Variants in SLC25A16 observed in about 807,000 individuals in gnomAD.
SLC25A16 encodes the protein mitochondrial coenzyme A transporter SLC25A16.
Under a neutral mutation model 41.5 loss-of-function variants are expected in SLC25A16, and 39 were observed. The ratio of observed to expected loss-of-function variants is 0.94; its 90% confidence interval spans 0.73 to 1.23. The LOEUF (loss-of-function observed/expected upper bound fraction) is 1.23, where lower values mean the gene tolerates loss of function less well. Ranked by LOEUF, SLC25A16 falls within the 50% of genes most tolerant of loss-of-function variation. The pLI is 0.00. For missense variants in SLC25A16, 421 were observed against 426.9 expected, an observed-to-expected ratio of 0.99 and a Z score of 0.12; for synonymous variants, 146 against 147.8, an observed-to-expected ratio of 0.99 and a Z score of 0.09.
intron 3 of SLC25A16, among the ~76,000 whole-genome samples, chr10:68,506,132 C>A (rs113748838): frequency 6.6e-6 from 1 of 152,254 alleles, no homozygotes; most frequent in Non-Finnish European, 1.5e-5. Context: ...AAATCTTAAG[C>A]TGTCACAAGT....
chr10:68,503,723 G>A (rs747271539), intron 3 of SLC25A16, 28 bp from the exon 4 acceptor site: 4 of 1,432,240 alleles, frequency 2.8e-6, no homozygotes, highest in Non-Finnish European at 3.9e-6. Context: ...TGAATTAAAT[G>A]AGATATTTTT....
intron 8 of SLC25A16, among the ~76,000 whole-genome samples, chr10:68,485,529 AC>A (rs2052545066): frequency 6.6e-6 from 1 of 150,760 alleles, no homozygotes; most frequent in African/African-American, 2.4e-5. Context: ...TATGACAGGC[AC>A]CTGCCACCAG....
At position 68,488,537 on chromosome 10, in the gene SLC25A16, C is replaced by T; in HGVS notation, c.703G>A (p.Val235Ile). 6.3e-7 allele frequency: 1 copy of T among 1,599,842 alleles called. No homozygotes were observed. Among genetic ancestry groups the T allele is most frequent in the South Asian group, 1.1e-5 (1 of 87,588 alleles). ...TTTACATGAGTTTTCAAAACTAAGACATTAGGATTGTCTGATGAAGGTCTG... is the reference window on the plus strand; with the variant it reads ...TTTACATGAGTTTTCAAAACTAAGATATTAGGATTGTCTGATGAAGGTCTG... Reference protein sequence around the residue: ...LGRPSSDNPNVLVLKTHVNLL... With the variant: ...LGRPSSDNPNILVLKTHVNLL... The change falls in exon 7 of 9, where the codon GTC (valine) becomes ATC (isoleucine). Residue 235 changes from valine to isoleucine, a missense_variant. By Grantham distance (29) the Val-to-Ile change is conservative. Transcript: ENST00000609923.
chr10:68,509,737 A>ATCTATCTATC (rs1554919957), intron 2 of SLC25A16, among the ~76,000 whole-genome samples: 6 of 143,796 alleles, frequency 4.2e-5, no homozygotes, highest in African/African-American at 1.3e-4. Flanking sequence ...CTATCTATAT[A>ATCTATCTATC]TATATCTATA....
At chr10:68,491,382 C>T (rs747591188) in intron 6 of SLC25A16, among the ~76,000 whole-genome samples, 20 of 152,138 alleles carry the variant, frequency 1.3e-4, no homozygotes, top group East Asian at 3.9e-4. Flanking sequence ...TGTGCGACCA[C>T]GCCCAGCTAA....
At chr10:68,503,542 C>T in intron 4 of SLC25A16, 90 bp downstream of exon 4, 2 of 799,304 alleles carry the variant, frequency 2.5e-6, no homozygotes, top group Admixed American at 2.5e-5. Flanking sequence ...CCTGTGCTTT[C>T]CCCAATGGCA....
intron 4 of SLC25A16, among the ~76,000 whole-genome samples, chr10:68,495,186 G>A (rs928914715): frequency 2.6e-5 from 4 of 151,746 alleles, no homozygotes; most frequent in African/African-American, 7.3e-5. Flanking sequence ...CGAGGTAGGC[G>A]GATCACTTGA....
chr10:68,520,401 C>T (rs560915566), intron 1 of SLC25A16, among the ~76,000 whole-genome samples: 1 of 152,224 alleles, frequency 6.6e-6, no homozygotes, highest in South Asian at 2.1e-4. Context: ...TTGACCCGGG[C>T]ACAATGGCTC....
At chr10:68,488,384 G>GA (rs2052599989) in intron 7 of SLC25A16, 83 bp downstream of exon 7, 1 of 1,028,228 alleles carries the variant, frequency 9.7e-7, no homozygotes, top group Non-Finnish European at 1.4e-6. Flanking sequence ...TAATCTATTA[G>GA]AAAAAATAAA....
intron 4 of SLC25A16, among the ~76,000 whole-genome samples, chr10:68,498,696 G>C (rs1230834756): frequency 6.6e-6 from 1 of 151,896 alleles, no homozygotes; most frequent in Admixed American, 6.6e-5. Flanking sequence ...CCCTGTCTCT[G>C]AAAAAAAGAA....
At chr10:68,486,956 CAAAAAAAAAA>C (rs374368406) in intron 8 of SLC25A16, 178 bp downstream of exon 8, 42 of 103,104 alleles carry the variant, frequency 4.1e-4, no homozygotes, top group African/African-American at 2.1e-3. Flanking sequence ...GACTGCATCT[CAAAAAAAAAA>C]AAAAAAAAAA....
At position 68,487,143 on chromosome 10, in the gene SLC25A16, C is replaced by G; in HGVS notation, c.842+1G>C. The G allele has an allele frequency of 6.2e-7, 1 of 1,610,178 alleles. No individual in the cohort carries two copies. The highest frequency in any genetic ancestry group is 8.5e-7 in the Non-Finnish European group (1 of 1,176,752). ...TGAACAATGACATATGATGAACTTA[C>G]AGGCACTTTTCAAATTCCGGCAGAA... On this transcript the variant is annotated splice_donor_variant, in intron 8 of 8. Coordinates refer to ENST00000609923, the MANE Select transcript of SLC25A16 (RefSeq NM_152707.4). LOFTEE classifies it high-confidence loss of function.
At chr10:68,493,313 CA>C in intron 5 of SLC25A16, 115 bp from the exon 6 acceptor site, 1 of 1,127,792 alleles carries the variant, frequency 8.9e-7, no homozygotes, top group Non-Finnish European at 1.3e-6. Context: ...CCCTGAAACA[CA>C]AAGATGTGTT....
intron 2 of SLC25A16, among the ~76,000 whole-genome samples, chr10:68,509,494 C>A (rs919077280): frequency 3.9e-5 from 6 of 151,918 alleles, no homozygotes; most frequent in Non-Finnish European, 7.4e-5. Context: ...GTGGGAGGAT[C>A]GCTTGAGCCC....
At chr10:68,496,610 A>G (rs1011188060) in intron 4 of SLC25A16, 1 of 983,494 alleles carries the variant, frequency 1.0e-6, no homozygotes, top group African/African-American at 1.7e-5. Context: ...TCAAGAAACT[A>G]AGGACATAAA....
chr10:68,507,254 G>T lies in SLC25A16; in HGVS notation c.224-536C>A, dbSNP rs944066954. On this transcript the variant is annotated intron_variant, in intron 2 of 8. Coordinates refer to ENST00000609923, the MANE Select transcript of SLC25A16 (RefSeq NM_152707.4). ...CACCCGGCTAATTTTTGCATTTTTA[G>T]TAGAAACGGGGTTTCACCATGTTGG... 3.3e-5 allele frequency among the ~76,000 whole-genome samples: 5 copies of T among 151,736 alleles called. No individual in the cohort carries two copies. The East Asian group carries it at 9.7e-4, about 29-fold the overall frequency.
At chr10:68,498,753 C>A (rs976673507) in intron 4 of SLC25A16, among the ~76,000 whole-genome samples, 2 of 152,120 alleles carry the variant, frequency 1.3e-5, no homozygotes, top group African/African-American at 4.8e-5. Context: ...CTTTGAGATC[C>A]TCAAAGTACA....
intron 1 of SLC25A16, among the ~76,000 whole-genome samples, chr10:68,525,048 AAAC>A (rs925240334): frequency 3.0e-4 from 45 of 152,144 alleles, no homozygotes; most frequent in African/African-American, 7.7e-4. Flanking sequence ...CTCTGTCTCA[AAAC>A]AACAACAACA....
chr10:68,483,371 A>T lies in SLC25A16; in HGVS notation c.*61T>A. ...TTCAAGTAATGTTCCCCCCACAATT[A>T]TAGTAATGTTTCATTTCTCCCTCTG... is the stretch of plus-strand genomic sequence containing the variant. On this transcript the variant is annotated 3_prime_UTR_variant, in exon 9 of 9. Transcript: ENST00000609923. 1 of 1,098,664 alleles carries T rather than the reference A, an allele frequency of 9.1e-7. No homozygotes were observed. The allele number at this position is 1,098,664 out of a possible 1,614,324, so 68.1% of individuals were successfully genotyped here. A position where few individuals can be genotyped will look rare whatever the true frequency, so the allele number is the denominator to read the frequency against.
Sources: allele counts gnomAD v4.1 joint callset (sites outside exome capture counted in the v4.1 genomes callset), GRCh38; gene constraint gnomAD v4.1.1; transcripts MANE v1.5; gene names NCBI Gene and HGNC (gene_info 2026-07-23, HGNC 2026-07-21).